Variants in TMTC1 observed in about 807,000 individuals in gnomAD.
TMTC1 encodes the protein protein O-mannosyl-transferase TMTC1.
A neutral mutation model predicts 104.8 loss-of-function variants in TMTC1; 73 were observed. The observed-to-expected ratio is 0.70, with a 90% CI of 0.58 to 0.85. The LOEUF is 0.85. TMTC1 is among the 40% of genes least tolerant of loss of function. The pLI, the probability that TMTC1 is intolerant of heterozygous loss-of-function variation, is 0.00. For missense variants in TMTC1, 1,035 were observed against 1,096.1 expected (o/e 0.94, Z 0.79); for synonymous variants, 434 against 428.7 (o/e 1.01, Z -0.15).
At chr12:29,591,714 G>A (rs976255420) in intron 7 of TMTC1, among the ~76,000 whole-genome samples, 3 of 152,118 alleles carry the variant, frequency 2.0e-5, no homozygotes, top group Admixed American at 6.6e-5. Context: ...AAAAACACTG[G>A]CATTTCTCTT....
chr12:29,600,034 A>C (rs956082223), intron 7 of TMTC1, among the ~76,000 whole-genome samples: 6 of 141,180 alleles, frequency 4.2e-5, no homozygotes, highest in African/African-American at 1.6e-4. Context: ...CCCTCAAAAG[A>C]GCCTGGATAC....
intron 5 of TMTC1, among the ~76,000 whole-genome samples, chr12:29,673,744 CTTTTTTTTTTTTTTT>C (rs146463669): frequency 4.2e-5 from 4 of 95,734 alleles, no homozygotes; most frequent in Admixed American, 1.5e-4. Flanking sequence ...AGAGGGACTT[CTTTTTTTTTTTTTTT>C]TTTTTTTTTT....
At chr12:29,732,680 T>C (rs1942575814) in intron 5 of TMTC1, among the ~76,000 whole-genome samples, 1 of 152,112 alleles carries the variant, frequency 6.6e-6, no homozygotes, top group South Asian at 2.1e-4. Context: ...TAAAAAAAAT[T>C]ACAGTCTGCC....
At chr12:29,691,545 G>C (rs1439799843) in intron 5 of TMTC1, among the ~76,000 whole-genome samples, 1 of 115,578 alleles carries the variant, frequency 8.7e-6, no homozygotes, top group Non-Finnish European at 1.9e-5. Flanking sequence ...CAGCAGGCAA[G>C]GTGAAACCCG....
chr12:29,783,903 C>A lies in TMTC1; in HGVS notation c.-152G>T. 1.4e-6 allele frequency: 1 copy of A among 690,804 alleles called. No homozygotes were observed. The highest frequency in any genetic ancestry group is 6.6e-5 in the South Asian group (1 of 15,162). The allele number at this position is 690,804 out of a possible 1,614,324, so 42.8% of individuals were successfully genotyped here. ...CCGCCGCGAGCTCCCCGCGCTCCGC[C>A]GCCGCCTGCGCCGCGGAGTTGGCCC... On this transcript the variant is annotated 5_prime_UTR_variant, in exon 1 of 18. Transcript: ENST00000539277. The surrounding 1 kb of genome is among the most constrained non-coding windows in gnomAD (Gnocchi z 4.7).
chr12:29,686,773 T>A (rs560986985), intron 5 of TMTC1, among the ~76,000 whole-genome samples: 1 of 152,358 alleles, frequency 6.6e-6, no homozygotes, highest in Non-Finnish European at 1.5e-5. Flanking sequence ...AGTCAGACAA[T>A]CATCTTTGAT....
At position 29,764,986 on chromosome 12, in the gene TMTC1, C is replaced by T. The variant is rs549414335; in HGVS notation, c.480+2912G>A. 7.2e-5 allele frequency among the ~76,000 whole-genome samples: 11 copies of T among 152,278 alleles called. No individual in the cohort carries two copies. The South Asian group carries it at 1.4e-3, about 20-fold the overall frequency. On this transcript the variant is annotated intron_variant, in intron 2 of 17. Transcript: ENST00000539277. ...ATTGCCCTACTCATTTGTTCTTTCA[C>T]GCAGTAATTGTCCCCAATATGCTCT...
At chr12:29,649,485 G>A (rs1186905584) in intron 5 of TMTC1, among the ~76,000 whole-genome samples, 2 of 152,196 alleles carry the variant, frequency 1.3e-5, no homozygotes, top group African/African-American at 4.8e-5. Flanking sequence ...GCGGACAGGT[G>A]GGTCCAGGAA....
chr12:29,728,092 T>C (rs1050957106), intron 5 of TMTC1, among the ~76,000 whole-genome samples: 1 of 152,242 alleles, frequency 6.6e-6, no homozygotes, highest in Non-Finnish European at 1.5e-5. Context: ...ATTACAACTT[T>C]TGGCGGAGAT....
rs759805921 is a variant in TMTC1, at chr12:29,755,774, G to T, written c.666C>A (p.Gly222=). 8.7e-6 allele frequency: 14 copies of T among 1,614,028 alleles called. No individual in the cohort carries two copies. The highest frequency in any genetic ancestry group is 1.3e-5 in the African/African-American group (1 of 74,906). Residue 222 remains glycine (G), a synonymous_variant, in exon 4 of 18, where the codon GGC becomes GGA. Transcript: ENST00000539277. ...CCAAGCACACTCCAAACACCGTGAT[G>T]CCTGTCTCTTTCACCAGCATCGCAC... ...GTCAMLVKET[G]ITVFGVCLVY... is the part of the protein sequence containing the mutation.
At chr12:29,698,233 C>T (rs1941481686) in intron 5 of TMTC1, among the ~76,000 whole-genome samples, 1 of 152,180 alleles carries the variant, frequency 6.6e-6, no homozygotes, top group South Asian at 2.1e-4. Context: ...CTCTCCCACG[C>T]CCATTTATTC....
intron 6 of TMTC1, among the ~76,000 whole-genome samples, chr12:29,618,444 T>C: frequency 6.6e-6 from 1 of 152,214 alleles, no homozygotes; most frequent in South Asian, 2.1e-4. Context: ...GTTTCTGCTA[T>C]GTAATAATGT....
rs957956611 is a variant in TMTC1 at position 29,659,791 on chromosome 12, A to G, written c.939-26455T>C. On this transcript the variant is annotated intron_variant, in intron 5 of 17. Transcript: ENST00000539277. Reference sequence around the variant, plus strand: ...CTCCCCACATGGAGGATAGACCCCAATCCTCAATATGCAAAGTCAGCCTGT... The same window carrying G: ...CTCCCCACATGGAGGATAGACCCCAGTCCTCAATATGCAAAGTCAGCCTGT... 17 of 966,934 alleles carry G rather than the reference A, an allele frequency of 1.8e-5. No individual in the cohort carries two copies. The East Asian group carries it at 3.4e-4, about 19-fold the overall frequency. The allele number at this position is 966,934 out of a possible 1,614,324, so 59.9% of individuals were successfully genotyped here.
chr12:29,741,497 A>G (rs973717963), intron 5 of TMTC1, among the ~76,000 whole-genome samples: 5 of 152,230 alleles, frequency 3.3e-5, no homozygotes, highest in African/African-American at 1.2e-4. Flanking sequence ...CTTCATGGAT[A>G]AGAAAAACCA....
intron 5 of TMTC1, among the ~76,000 whole-genome samples, chr12:29,710,600 T>C (rs973128730): frequency 2.1e-5 from 3 of 143,984 alleles, no homozygotes; most frequent in Non-Finnish European, 4.5e-5. Flanking sequence ...TTTATTATAC[T>C]TATAATTTTT....
intron 7 of TMTC1, among the ~76,000 whole-genome samples, chr12:29,590,817 T>A (rs534912772): frequency 6.6e-6 from 1 of 151,832 alleles, no homozygotes; most frequent in Non-Finnish European, 1.5e-5. Context: ...AAAAACAAAC[T>A]AAACAAAACC....
intron 7 of TMTC1, among the ~76,000 whole-genome samples, chr12:29,591,029 C>T (rs1946268079): frequency 6.6e-6 from 1 of 152,108 alleles, no homozygotes; most frequent in Non-Finnish European, 1.5e-5. Context: ...TCAGTCAGCA[C>T]CTGTATCAAA....
At chr12:29,673,378 T>C (rs1357347806) in intron 5 of TMTC1, among the ~76,000 whole-genome samples, 2 of 152,236 alleles carry the variant, frequency 1.3e-5, no homozygotes, top group Admixed American at 1.3e-4. Context: ...TCAATGTTTG[T>C]GTAAAACGCT....
rs748290717 is a variant in TMTC1, at chr12:29,556,931, C to T, written c.1602G>A (p.Lys534=). The change falls in exon 10 of 18, where the codon AAG becomes AAA. Residue 534 remains lysine (K), a synonymous_variant. Coordinates refer to ENST00000539277, the MANE Select transcript of TMTC1 (RefSeq NM_001193451.2). ...GTLTRDTAEA[K]MYYQRALQLH... is the part of the protein sequence containing the mutation. The stretch of plus-strand genomic sequence containing the variant: ...GCTGGAGAGCCCTCTGATAGTACAT[C>T]TTTGCCTCTGCTGTGTCTCTCGTCA... 6.2e-7 allele frequency: 1 copy of T among 1,614,136 alleles called. No individual in the cohort carries two copies. The highest frequency in any genetic ancestry group is 2.2e-5 in the East Asian group (1 of 44,878).
Sources: gnomAD v4.1 joint callset for allele counts (sites outside exome capture counted in the v4.1 genomes callset) on GRCh38, gnomAD v4.1.1 for gene constraint, Gnocchi (gnomAD v3.1) non-coding constraint, MANE v1.5 for transcripts, NCBI Gene and HGNC (gene_info 2026-07-23, HGNC 2026-07-21) for gene names.